NINJ2: variants seen among roughly 807,000 people sequenced by gnomAD.
NINJ2 encodes the protein ninjurin 2.
Under a neutral mutation model 11.7 loss-of-function variants are expected in NINJ2, and 12 were observed. That is an observed-to-expected ratio of 1.02 (90% confidence interval 0.66 to 1.66). NINJ2 has a LOEUF of 1.66. Ranked by LOEUF, NINJ2 falls within the 40% of genes most tolerant of loss-of-function variation. NINJ2 has a pLI of 0.00. For missense variants in NINJ2, 187 were observed against 181.8 expected (o/e 1.03, Z -0.16); for synonymous variants, 93 against 76.8 (o/e 1.21, Z -1.10).
At chr12:588,766 A>G (rs1400076004) in intron 1 of NINJ2, among the ~76,000 whole-genome samples, 1 of 152,176 alleles carries the variant, frequency 6.6e-6, no homozygotes, top group Non-Finnish European at 1.5e-5. Context: ...CAACAGAAAA[A>G]CTGAGTACAA....
intron 1 of NINJ2, among the ~76,000 whole-genome samples, chr12:578,267 T>C (rs1341395525): frequency 6.6e-6 from 1 of 152,192 alleles, no homozygotes; most frequent in Admixed American, 6.5e-5. Flanking sequence ...TTGTTGGAGA[T>C]GTGAATCTTG....
chr12:656,554 G>A (rs375980012), intron 1 of NINJ2, among the ~76,000 whole-genome samples: 2 of 151,492 alleles, frequency 1.3e-5, no homozygotes, highest in East Asian at 3.9e-4. Context: ...TTCGAGACCA[G>A]CCTGGCCAAG....
chr12:616,496 A>C (rs1468246997), intron 1 of NINJ2, among the ~76,000 whole-genome samples: 1 of 152,234 alleles, frequency 6.6e-6, no homozygotes, highest in Non-Finnish European at 1.5e-5. Flanking sequence ...GATGGAATCT[A>C]GACGATCATC....
intron 1 of NINJ2, among the ~76,000 whole-genome samples, chr12:566,943 C>T (rs1352051171): frequency 6.6e-6 from 1 of 152,240 alleles, no homozygotes; most frequent in East Asian, 1.9e-4. Flanking sequence ...CTGGGTTGGG[C>T]CAAGAATTTC....
At chr12:627,461 G>A (rs1456667756) in intron 1 of NINJ2, among the ~76,000 whole-genome samples, 3 of 152,208 alleles carry the variant, frequency 2.0e-5, no homozygotes, top group Admixed American at 2.0e-4. Flanking sequence ...TGTCAGCTGG[G>A]CAATCAGAGA....
At position 614,136 on chromosome 12, in the gene NINJ2, G is replaced by T. The variant is rs1039831568; in HGVS notation, c.34-47958C>A. 6.6e-6 allele frequency among the ~76,000 whole-genome samples: 1 copy of T among 152,060 alleles called. No homozygotes were observed. The highest frequency in any genetic ancestry group is 2.1e-4 in the South Asian group (1 of 4,822). ...GGCTAGTAAGAACAGTCTCTTACAC[G>T]ATGTCCTACTGCCTCCTAAAGAAGA... On this transcript the variant is annotated intron_variant, in intron 1 of 3. Transcript: ENST00000305108. The surrounding 1 kb of genome is among the most constrained non-coding windows in gnomAD (Gnocchi z 5.1).
rs1283442113 is a variant in NINJ2 at position 564,422 on chromosome 12, TAGAC to T, written c.*274_*277del. On this transcript the variant is annotated 3_prime_UTR_variant, in exon 4 of 4. Coordinates refer to ENST00000305108, the MANE Select transcript of NINJ2 (RefSeq NM_016533.6). The stretch of plus-strand genomic sequence containing the variant: ...TCCTTAAGCCGGGCAGACTTGGCCT[TAGAC>T]AGACATGCCTTACTTAGGTCCAGCA... 1 of 152,264 alleles carries T rather than the reference TAGAC, an allele frequency of 6.6e-6. No homozygotes were observed. The highest frequency in any genetic ancestry group is 1.5e-5 in the Non-Finnish European group (1 of 68,046). 9.4% of individuals were successfully genotyped at this position (152,264 alleles called of 1,614,324 possible).
At chr12:586,750 A>G (rs1409949982) in intron 1 of NINJ2, among the ~76,000 whole-genome samples, 2 of 152,196 alleles carry the variant, frequency 1.3e-5, no homozygotes, top group African/African-American at 2.4e-5. Flanking sequence ...TGTGACTCCC[A>G]CCAGGGTCCT....
At chr12:571,655 C>T (rs1034783305) in intron 1 of NINJ2, among the ~76,000 whole-genome samples, 1 of 152,368 alleles carries the variant, frequency 6.6e-6, no homozygotes, top group South Asian at 2.1e-4. Flanking sequence ...GCCAGACAGC[C>T]CTTTATCCCT....
chr12:586,990 T>C (rs1477751341), intron 1 of NINJ2, among the ~76,000 whole-genome samples: 1 of 152,198 alleles, frequency 6.6e-6, no homozygotes, highest in Non-Finnish European at 1.5e-5. Flanking sequence ...TGTGAGCAGA[T>C]GGTAGAACCC....
In NINJ2 at chr12:585,474, AGGAAGGGAACGGTTGGAGGGAAG is replaced by A. The variant is rs66484461; in HGVS notation, c.34-19319_34-19297del. 0.41 allele frequency among the ~76,000 whole-genome samples: 41,790 copies of A among 101,976 alleles called. 8,655 individuals carry two copies. Among genetic ancestry groups the A allele is most frequent in the Middle Eastern group, 0.52 (124 of 240 alleles). 66.9% of individuals were successfully genotyped at this position (101,976 alleles called of 152,430 possible). A position where few individuals can be genotyped will look rare whatever the true frequency, so the allele number is the denominator to read the frequency against. On this transcript the variant is annotated intron_variant, in intron 1 of 3. Coordinates refer to ENST00000305108, the MANE Select transcript of NINJ2 (RefSeq NM_016533.6). This position sits in a 1 kb window ranked among gnomAD's most constrained non-coding sequence, Gnocchi z 4.1. Reference sequence around the variant, plus strand: ...TCCTCATCAGGCAGGCAACGGTTGGAGGAAGGGAACGGTTGGAGGGAAGGGAAGGGAACGGTTGGAGGGAAGGG... The same window carrying A: ...TCCTCATCAGGCAGGCAACGGTTGGAGGAAGGGAACGGTTGGAGGGAAGGG...
intron 1 of NINJ2, among the ~76,000 whole-genome samples, chr12:638,516 C>G (rs555141790): frequency 6.6e-6 from 1 of 152,286 alleles, no homozygotes; most frequent in East Asian, 1.9e-4. Flanking sequence ...CCCAGGTTCA[C>G]GCCATTCTCC....
chr12:649,531 G>GTATGTATATATATATATATATATATATA lies in NINJ2; in HGVS notation c.33+13796_33+13797insTATATATATATATATATATATATACATA, dbSNP rs1555167491. 3.1e-5 allele frequency among the ~76,000 whole-genome samples: 4 copies of GTATGTATATATATATATATATATATATA among 127,694 alleles called. No individual in the cohort carries two copies. In the East Asian group the frequency reaches 7.6e-4, roughly 24 times the overall value. 83.8% of individuals were successfully genotyped at this position (127,694 alleles called of 152,430 possible). A position where few individuals can be genotyped will look rare whatever the true frequency, so the allele number is the denominator to read the frequency against. ...AGTGAATATGTGTGTGTGTATATGT[G>GTATGTATATATATATATATATATATATA]TATATATATATATATATATATAGTA... On this transcript the variant is annotated intron_variant, in intron 1 of 3. Coordinates refer to ENST00000305108, the MANE Select transcript of NINJ2 (RefSeq NM_016533.6).
chr12:610,223 CAG>C lies in NINJ2; in HGVS notation c.34-44047_34-44046del, dbSNP rs940815384. 6.2e-6 allele frequency: 5 copies of C among 809,554 alleles called. No individual in the cohort carries two copies. The African/African-American group carries it at 8.5e-5, about 14-fold the overall frequency. 50.1% of individuals were successfully genotyped at this position (809,554 alleles called of 1,614,324 possible). A position where few individuals can be genotyped will look rare whatever the true frequency, so the allele number is the denominator to read the frequency against. On this transcript the variant is annotated intron_variant, in intron 1 of 3. Transcript: ENST00000305108. ...CACATTGCCAGACACCCAGCAGACACAGAATCAATGCTTTTGCGTGAGTGAAA... is the reference window on the plus strand; with the variant it reads ...CACATTGCCAGACACCCAGCAGACACAATCAATGCTTTTGCGTGAGTGAAA...
intron 1 of NINJ2, among the ~76,000 whole-genome samples, chr12:605,558 A>G (rs2120922120): frequency 6.6e-6 from 1 of 152,314 alleles, no homozygotes; most frequent in Admixed American, 6.5e-5. Flanking sequence ...AGACAAAAAT[A>G]AAAAATAAAA....
chr12:617,125 G>A (rs1335059299), intron 1 of NINJ2, among the ~76,000 whole-genome samples: 2 of 152,168 alleles, frequency 1.3e-5, no homozygotes, highest in Non-Finnish European at 2.9e-5. Context: ...AGAATCGCTG[G>A]AACCTGGGAG....
chr12:649,010 CTA>C, intron 1 of NINJ2, among the ~76,000 whole-genome samples: 1 of 151,806 alleles, frequency 6.6e-6, no homozygotes, highest in African/African-American at 2.4e-5. Flanking sequence ...ATCTATCTAT[CTA>C]TCTATCTATC....
rs754864244 is a variant in NINJ2 at position 566,178 on chromosome 12, G to C, written c.34C>G (p.Pro12Ala). The change falls in exon 2 of 4, where the codon CCT becomes GCT. Residue 12 changes from proline to alanine, a missense_variant and splice_region_variant. By Grantham distance (27) the Pro-to-Ala change is conservative. Coordinates refer to ENST00000305108, the MANE Select transcript of NINJ2 (RefSeq NM_016533.6). Reference sequence around the variant, plus strand: ...TGGCTCCTGGGGTCGGAGCTTCCAGGCTGTAGGGGAGAAAGCACAGACTTA... The same window carrying C: ...TGGCTCCTGGGGTCGGAGCTTCCAGCCTGTAGGGGAGAAAGCACAGACTTA... ...ESARENIDLQ[P>A]GSSDPRSQPI... 1 of 1,612,312 alleles carries C rather than the reference G, an allele frequency of 6.2e-7. No individual in the cohort carries two copies. The highest frequency in any genetic ancestry group is 2.2e-5 in the East Asian group (1 of 44,862).
rs200555902 is a variant in NINJ2, at chr12:569,074, C to CG, written c.34-2897dup. Among the ~76,000 whole-genome samples, 1,457 of 152,204 alleles carry CG rather than the reference C, an allele frequency of 9.6e-3. 11 individuals are homozygous for CG. The highest frequency in any genetic ancestry group is 0.015 in the Non-Finnish European group (1,006 of 68,016). ...CCTTCGTGTTTGATTTTGCTGGGGC[C>CG]GGGGTTTCAGCTGGTGCTGGGGGCA... is the stretch of plus-strand genomic sequence containing the variant. On this transcript the variant is annotated intron_variant, in intron 1 of 3. Transcript: ENST00000305108.
Sources: gnomAD v4.1 joint callset for allele counts (sites outside exome capture counted in the v4.1 genomes callset) on GRCh38, gnomAD v4.1.1 for gene constraint, Gnocchi (gnomAD v3.1) non-coding constraint, MANE v1.5 for transcripts, NCBI Gene and HGNC (gene_info 2026-07-23, HGNC 2026-07-21) for gene names.